The following KRR1 variants were observed in gnomAD, a reference collection of about 807,000 sequenced individuals.
KRR1 encodes KRR1 small subunit processome component.
KRR1 carries 23 observed loss-of-function variants against 50.0 expected under a neutral mutation model. The observed-to-expected ratio is 0.46, with a 90% confidence interval of 0.33 to 0.65. The LOEUF is 0.65. Ranked by LOEUF, KRR1 falls within the 30% of genes least tolerant of loss-of-function variation. The pLI, the probability that KRR1 is intolerant of heterozygous loss-of-function variation, is 0.02. For missense variants in KRR1, 419 were observed against 442.4 expected (o/e 0.95, Z 0.47); for synonymous variants, 133 against 146.3 (o/e 0.91, Z 0.66).
Position 75,498,918 on chromosome 12 carries a change from GTC to G in KRR1, c.*889_*890del. 1 of 1,602,658 alleles carries G rather than the reference GTC, an allele frequency of 6.2e-7. No homozygotes were observed. The highest frequency in any genetic ancestry group is 8.5e-7 in the Non-Finnish European group (1 of 1,170,450). Reference sequence around the variant, plus strand: ...TTGTTAATTCAGTAATTCTAATACTGTCTGTTATAATTACCATTTTGGTACAG... The same window carrying G: ...TTGTTAATTCAGTAATTCTAATACTGTGTTATAATTACCATTTTGGTACAG... On this transcript the variant is annotated 3_prime_UTR_variant, in exon 10 of 10. Transcript: ENST00000229214.
Position 75,508,256 on chromosome 12 carries a change from G to T in KRR1, c.258+18C>A. 6.5e-7 allele frequency: 1 copy of T among 1,541,578 alleles called. No individual in the cohort carries two copies. The highest frequency in any genetic ancestry group is 8.8e-7 in the Non-Finnish European group (1 of 1,137,918). On this transcript the variant is annotated intron_variant, in intron 2 of 9. Transcript: ENST00000229214. ...GAGCAAAGTCTCAAATAAATGTATT[G>T]ATATAAGATACACATACATGTTCAT... is the stretch of plus-strand genomic sequence containing the variant.
chr12:75,495,414 G>T lies in KRR1; in HGVS notation c.*4395C>A, dbSNP rs1486050585. On this transcript the variant is annotated 3_prime_UTR_variant, in exon 10 of 10. Coordinates refer to ENST00000229214, the MANE Select transcript of KRR1 (RefSeq NM_007043.7). The stretch of plus-strand genomic sequence containing the variant: ...CATAGAATGAACTATGCAAATATTA[G>T]CAGCCTTCCATTTCTGCCTTCCTGT... 1 of 570,286 alleles carries T rather than the reference G, an allele frequency of 1.8e-6. No homozygotes were observed. Among genetic ancestry groups the T allele is most frequent in the Non-Finnish European group, 3.2e-6 (1 of 311,724 alleles). The allele number at this position is 570,286 out of a possible 1,614,324, so 35.3% of individuals were successfully genotyped here. A position where few individuals can be genotyped will look rare whatever the true frequency, so the allele number is the denominator to read the frequency against.
At chr12:75,503,418 C>G (rs1250064892) in intron 7 of KRR1, 1 of 151,940 alleles carries the variant, frequency 6.6e-6, no homozygotes, top group Non-Finnish European at 1.5e-5. Context: ...TAAAAAGGGG[C>G]ATGAATCAAA....
At position 75,504,148 on chromosome 12, in the gene KRR1, A is replaced by C. The variant is rs1268989707; in HGVS notation, c.661-74T>G. ...TTTGTCAGACTCAGACATTATAAAT[A>C]TTGCTTCTATAAATAATAAAAGAAA... On this transcript the variant is annotated intron_variant, in intron 6 of 9. Coordinates refer to ENST00000229214, the MANE Select transcript of KRR1 (RefSeq NM_007043.7). 4 of 1,025,676 alleles carry C rather than the reference A, an allele frequency of 3.9e-6. No individual in the cohort carries two copies. In the African/African-American group the frequency reaches 4.8e-5, roughly 12 times the overall value. 63.5% of individuals were successfully genotyped at this position (1,025,676 alleles called of 1,614,324 possible).
Position 75,506,321 on chromosome 12 carries a change from T to C in KRR1, c.598A>G (p.Lys200Glu), listed in dbSNP as rs1468083261. 6.2e-7 allele frequency: 1 copy of C among 1,601,026 alleles called. No individual in the cohort carries two copies. Among genetic ancestry groups the C allele is most frequent in the East Asian group, 2.2e-5 (1 of 44,726 alleles). ...AGATAATACATAGTTCTCACCTCTT[T>C]TAAGCCACTAAAAGGTCCAATGGCT... ...VSAIGPFSGL[K>E]EVRKVVLDTM... The change falls in exon 5 of 10, where the codon AAA becomes GAA. Residue 200 changes from lysine (K) to glutamate (E), a missense_variant. Lys to Glu is a moderately conservative substitution (Grantham distance 56). Coordinates refer to ENST00000229214, the MANE Select transcript of KRR1 (RefSeq NM_007043.7).
At chr12:75,503,478 A>T (rs1296332528) in intron 7 of KRR1, 2 of 151,718 alleles carry the variant, frequency 1.3e-5, no homozygotes, top group African/African-American at 4.9e-5. Flanking sequence ...GGGAAAGGAA[A>T]TGAAGCAGAA....
Position 75,505,229 on chromosome 12 carries a change from A to C in KRR1, c.629T>G (p.Met210Arg). 6.4e-7 allele frequency: 1 copy of C among 1,573,062 alleles called. No individual in the cohort carries two copies. Among genetic ancestry groups the C allele is most frequent in the Non-Finnish European group, 8.7e-7 (1 of 1,155,360 alleles). Residue 210 changes from methionine to arginine, a missense_variant, in exon 6 of 10, where the codon ATG (methionine) becomes AGG (arginine). Coordinates refer to ENST00000229214, the MANE Select transcript of KRR1 (RefSeq NM_007043.7). ...KEVRKVVLDT[M>R]KNIHPIYNIK... is the part of the protein sequence containing the mutation. ...GTTATAAATTGGATGAATATTCTTCATAGTATCAAGGACTACTTTTCTAAC... is the reference window on the plus strand; with the variant it reads ...GTTATAAATTGGATGAATATTCTTCCTAGTATCAAGGACTACTTTTCTAAC...
At chr12:75,503,681 TG>T in intron 7 of KRR1, 1 of 358,884 alleles carries the variant, frequency 2.8e-6, no homozygotes, top group Non-Finnish European at 5.0e-6. Context: ...ACAAACCTCC[TG>T]GATGCAGTTT....
At chr12:75,505,370 A>C in intron 5 of KRR1, 116 bp from the exon 6 acceptor site, 1 of 1,033,082 alleles carries the variant, frequency 9.7e-7, no homozygotes. Context: ...GTAATTAAAT[A>C]ATTAAGTAGT....
At chr12:75,506,192 C>G in intron 5 of KRR1, 124 bp downstream of exon 5, 2 of 623,602 alleles carry the variant, frequency 3.2e-6, no homozygotes, top group South Asian at 2.3e-5. Flanking sequence ...AAAGTATTTA[C>G]TAATGGGAAA....
chr12:75,495,599 TA>T lies in KRR1; in HGVS notation c.*4209del. 6.2e-7 allele frequency: 1 copy of T among 1,608,504 alleles called. No individual in the cohort carries two copies. Among genetic ancestry groups the T allele is most frequent in the Non-Finnish European group, 8.5e-7 (1 of 1,174,986 alleles). Reference sequence around the variant, plus strand: ...CAGAGGGAATTACCCAACTTGGCCATATAAGAGAGGAGCCACCTGCAGTGCC... The same window carrying T: ...CAGAGGGAATTACCCAACTTGGCCATTAAGAGAGGAGCCACCTGCAGTGCC... On this transcript the variant is annotated 3_prime_UTR_variant, in exon 10 of 10. Transcript: ENST00000229214.
rs1020279533 is a variant in KRR1 at position 75,499,207 on chromosome 12, A to T, written c.*602T>A. 5.7e-6 allele frequency: 2 copies of T among 351,372 alleles called. No individual in the cohort carries two copies. The highest frequency in any genetic ancestry group is 2.1e-5 in the African/African-American group (1 of 47,142). 21.8% of individuals were successfully genotyped at this position (351,372 alleles called of 1,614,324 possible). Reference sequence around the variant, plus strand: ...TGCCACAGGTGGACTTTTAGTAAGTAACCTAACCCATGTTTCAGCTTCTAA... The same window carrying T: ...TGCCACAGGTGGACTTTTAGTAAGTTACCTAACCCATGTTTCAGCTTCTAA... On this transcript the variant is annotated 3_prime_UTR_variant, in exon 10 of 10. Coordinates refer to ENST00000229214, the MANE Select transcript of KRR1 (RefSeq NM_007043.7).
intron 9 of KRR1, chr12:75,501,521 T>C (rs898521897): frequency 1.9e-6 from 1 of 537,382 alleles, no homozygotes; most frequent in Non-Finnish European, 3.3e-6. Context: ...GGACTGTCAA[T>C]CCAGTTTGCA....
chr12:75,497,125 A>T lies in KRR1; in HGVS notation c.*2684T>A, dbSNP rs1039933536. 3.3e-5 allele frequency: 5 copies of T among 152,174 alleles called. No homozygotes were observed. Among genetic ancestry groups the T allele is most frequent in the Non-Finnish European group, 7.3e-5 (5 of 68,032 alleles). The allele number at this position is 152,174 out of a possible 1,614,324, so 9.4% of individuals were successfully genotyped here. ...AACCAGTATGCCAAGTTTTGGTGCA[A>T]TTTCCAGTTTGACCACTGTGACTTT... is the stretch of plus-strand genomic sequence containing the variant. On this transcript the variant is annotated 3_prime_UTR_variant, in exon 10 of 10. Transcript: ENST00000229214.
In KRR1 at chr12:75,493,888, A is replaced by AT. The variant is rs1316537273; in HGVS notation, c.*5920dup. On this transcript the variant is annotated 3_prime_UTR_variant, in exon 10 of 10. Transcript: ENST00000229214. ...GGTTTTTAGCTTATTTTTAAGTAGC[A>AT]TTTTTTACCTTTTCCTTTACAGTTT... The AT allele has an allele frequency of 2.0e-5, 3 of 152,144 alleles. No individual in the cohort carries two copies. The highest frequency in any genetic ancestry group is 2.9e-5 in the Non-Finnish European group (2 of 68,040). The allele number at this position is 152,144 out of a possible 1,614,324, so 9.4% of individuals were successfully genotyped here.
Position 75,498,652 on chromosome 12 carries a change from TA to T in KRR1, c.*1156del. On this transcript the variant is annotated 3_prime_UTR_variant, in exon 10 of 10. Transcript: ENST00000229214. ...TTAAAATAAAACTCTCAACTGTGTC[TA>T]CCCTTTTAATTTTTTTTCTTTCTTC... 6.5e-7 allele frequency: 1 copy of T among 1,541,328 alleles called. No individual in the cohort carries two copies. Among genetic ancestry groups the T allele is most frequent in the Non-Finnish European group, 9.0e-7 (1 of 1,114,400 alleles).
intron 9 of KRR1, 55 bp downstream of exon 9, chr12:75,501,668 T>C (rs2120598445): frequency 3.5e-6 from 4 of 1,149,710 alleles, no homozygotes; most frequent in Non-Finnish European, 5.1e-6. Flanking sequence ...GACAAATTTA[T>C]TATGGGTTTA....
intron 1 of KRR1, among the ~76,000 whole-genome samples, chr12:75,508,913 T>C (rs1352890443): frequency 6.6e-6 from 1 of 152,244 alleles, no homozygotes; most frequent in Non-Finnish European, 1.5e-5. Context: ...AGAATTCTAG[T>C]TTATCTTTCA....
chr12:75,497,866 G>A lies in KRR1; in HGVS notation c.*1943C>T, dbSNP rs2046360638. 1 of 150,688 alleles carries A rather than the reference G, an allele frequency of 6.6e-6. No homozygotes were observed. The highest frequency in any genetic ancestry group is 1.5e-5 in the Non-Finnish European group (1 of 67,634). The allele number at this position is 150,688 out of a possible 1,614,324, so 9.3% of individuals were successfully genotyped here. A position where few individuals can be genotyped will look rare whatever the true frequency, so the allele number is the denominator to read the frequency against. On this transcript the variant is annotated 3_prime_UTR_variant, in exon 10 of 10. Transcript: ENST00000229214. ...TCACAGATGTACATTTGTTTCAATA[G>A]TTGAATATTGAACATTTAAAAATAT...
Sources: allele counts gnomAD v4.1 joint callset (sites outside exome capture counted in the v4.1 genomes callset), GRCh38; gene constraint gnomAD v4.1.1; transcripts MANE v1.5; gene names NCBI Gene and HGNC (gene_info 2026-07-23, HGNC 2026-07-21).